Variants in DTNA observed in about 807,000 individuals in gnomAD.
DTNA encodes the protein dystrophin-related protein 3.
In DTNA, 43 loss-of-function variants were observed where a neutral mutation model predicts 100.7. That is an observed-to-expected ratio of 0.43 (90% CI 0.33 to 0.55). The LOEUF (loss-of-function observed/expected upper bound fraction) is 0.55, where lower values mean the gene tolerates loss of function less well. DTNA is among the 20% of genes least tolerant of loss of function. DTNA has a pLI of 0.04. For missense variants in DTNA, 798 were observed against 953.9 expected (o/e 0.84, Z 2.15); for synonymous variants, 349 against 347.9 (o/e 1.00, Z -0.04).
chr18:34,798,986 A>G (rs187654244), intron 4 of DTNA, among the ~76,000 whole-genome samples: 2 of 152,328 alleles, frequency 1.3e-5, no homozygotes, highest in African/African-American at 4.8e-5. Flanking sequence ...AATGAAAATT[A>G]ATTAACCTTT....
chr18:34,798,523 A>G (rs1467210240), intron 4 of DTNA, among the ~76,000 whole-genome samples: 4 of 152,206 alleles, frequency 2.6e-5, no homozygotes, highest in Non-Finnish European at 4.4e-5. Flanking sequence ...AGGAAACACT[A>G]AAAACAAGTT....
chr18:34,617,729 G>A (rs1183131739), intron 1 of DTNA, among the ~76,000 whole-genome samples: 2 of 152,146 alleles, frequency 1.3e-5, no homozygotes, highest in Non-Finnish European at 2.9e-5. Context: ...TCTGGTAGAA[G>A]TCAGCTGTGA....
intron 10 of DTNA, among the ~76,000 whole-genome samples, chr18:34,828,610 T>C (rs1360895329): frequency 2.6e-5 from 4 of 152,174 alleles, no homozygotes; most frequent in African/African-American, 9.7e-5. Context: ...TGATTTTTTT[T>C]CCTCTGAGTT....
intron 1 of DTNA, among the ~76,000 whole-genome samples, chr18:34,525,741 A>G (rs1396605713): frequency 6.6e-6 from 1 of 152,150 alleles, no homozygotes; most frequent in Non-Finnish European, 1.5e-5. Context: ...AAAGCCAAAC[A>G]TTTTCCAGGA....
At chr18:34,513,779 G>A (rs944147842) in intron 1 of DTNA, 8 of 152,124 alleles carry the variant, frequency 5.3e-5, no homozygotes, top group African/African-American at 1.7e-4. Context: ...GAAGCAAGAA[G>A]GCTATGAGGA....
At chr18:34,650,784 A>C (rs191065216) in intron 1 of DTNA, among the ~76,000 whole-genome samples, 1 of 152,356 alleles carries the variant, frequency 6.6e-6, no homozygotes, top group East Asian at 1.9e-4. Flanking sequence ...CTATTATAGT[A>C]GTACTAGGAT....
upstream of DTNA, among the ~76,000 whole-genome samples, chr18:34,710,012 A>G (rs1364279112): frequency 2.6e-5 from 4 of 152,238 alleles, no homozygotes; most frequent in Non-Finnish European, 5.9e-5. Flanking sequence ...CAAAAGATTA[A>G]TGGTGACTTA....
At chr18:34,860,361 C>T (rs2096608821) in intron 16 of DTNA, among the ~76,000 whole-genome samples, 1 of 151,636 alleles carries the variant, frequency 6.6e-6, no homozygotes, top group South Asian at 2.1e-4. Context: ...GCCACCGCGC[C>T]CAGCCCATTC....
At chr18:34,880,547 A>T (rs2096862718) in intron 20 of DTNA, among the ~76,000 whole-genome samples, 2 of 152,208 alleles carry the variant, frequency 1.3e-5, no homozygotes, top group African/African-American at 4.8e-5. Context: ...AATGCTAAAA[A>T]TACTTCAGAA....
chr18:34,621,232 G>GAT (rs560113516), intron 1 of DTNA, among the ~76,000 whole-genome samples: 148 of 147,478 alleles, frequency 1.0e-3, no homozygotes, highest in Non-Finnish European at 1.8e-3. Context: ...ACATATATAT[G>GAT]ATATATATAT....
intron 5 of DTNA, among the ~76,000 whole-genome samples, chr18:34,806,985 G>T (rs774490733): frequency 1.3e-5 from 2 of 152,096 alleles, no homozygotes; most frequent in African/African-American, 4.8e-5. Context: ...TGGCTAAGAC[G>T]ATGCCAGGAT....
chr18:34,593,575 T>C (rs2049979465), intron 1 of DTNA: 1 of 152,200 alleles, frequency 6.6e-6, no homozygotes, highest in Non-Finnish European at 1.5e-5. Context: ...TGCATCGCTT[T>C]TCTGGGATGC....
chr18:34,527,553 T>C (rs2042745187), intron 1 of DTNA, among the ~76,000 whole-genome samples: 1 of 152,108 alleles, frequency 6.6e-6, no homozygotes, highest in African/African-American at 2.4e-5. Flanking sequence ...AACAAATCTG[T>C]ATTTAGAGTT....
chr18:34,555,713 T>C (rs2045958926), intron 1 of DTNA, among the ~76,000 whole-genome samples: 1 of 152,244 alleles, frequency 6.6e-6, no homozygotes, highest in Non-Finnish European at 1.5e-5. Flanking sequence ...TTCTGAGTTC[T>C]AGTTTGATTG....
At chr18:34,498,536 A>C (rs1036891650) in intron 1 of DTNA, among the ~76,000 whole-genome samples, 5 of 151,630 alleles carry the variant, frequency 3.3e-5, no homozygotes, top group African/African-American at 9.7e-5. Context: ...CTTATCAATA[A>C]CTGATGCTCT....
At chr18:34,821,785 C>T (rs2149461686) in intron 9 of DTNA, among the ~76,000 whole-genome samples, 1 of 152,288 alleles carries the variant, frequency 6.6e-6, no homozygotes, top group Non-Finnish European at 1.5e-5. Context: ...TGCATGTTGA[C>T]ATCAAGAGGT....
intron 1 of DTNA, among the ~76,000 whole-genome samples, chr18:34,638,353 A>G (rs1482056319): frequency 6.6e-6 from 1 of 152,226 alleles, no homozygotes; most frequent in East Asian, 1.9e-4. Context: ...AATCTGTGAC[A>G]AGTGCTATAA....
At chr18:34,663,528 G>A (rs906274060) in intron 1 of DTNA, among the ~76,000 whole-genome samples, 1 of 152,178 alleles carries the variant, frequency 6.6e-6, no homozygotes, top group Non-Finnish European at 1.5e-5. Flanking sequence ...ATATGTTGAG[G>A]TGCGGTAGTT....
intron 1 of DTNA, among the ~76,000 whole-genome samples, chr18:34,725,516 A>C (rs1234505701): frequency 6.6e-6 from 1 of 152,264 alleles, no homozygotes; most frequent in East Asian, 1.9e-4. Context: ...ATCACTGGTC[A>C]TTAGAGAAAT....
Sources: gnomAD v4.1 joint callset for allele counts (sites outside exome capture counted in the v4.1 genomes callset) on GRCh38, gnomAD v4.1.1 for gene constraint, MANE v1.5 for transcripts, NCBI Gene and HGNC (gene_info 2026-07-23, HGNC 2026-07-21) for gene names.